The following ILDR1 variants were observed in gnomAD, a reference collection of about 807,000 sequenced individuals.
The protein encoded by ILDR1 is immunoglobulin like domain containing receptor 1, also known as immunoglobulin-like domain-containing receptor 1.
A neutral mutation model predicts 62.4 loss-of-function variants in ILDR1; 56 were observed. That is an observed-to-expected ratio of 0.90 (90% CI 0.72 to 1.12). The LOEUF is 1.12. Ranked by LOEUF, ILDR1 falls within the 50% of genes most tolerant of loss-of-function variation. The pLI is 0.00. For synonymous variants in ILDR1, 284 were observed against 277.8 expected, an observed-to-expected ratio of 1.02 and a Z score of -0.22; for missense variants, 736 against 710.6, an observed-to-expected ratio of 1.04 and a Z score of -0.41.
In ILDR1 at chr3:121,988,041, T is replaced by A; in HGVS notation, c.*326A>T. ...GATCCTTCTGCCTCAGCCTCTTGAG[T>A]AGCTGGGACTACAAGTGCATGCCAC... is the stretch of plus-strand genomic sequence containing the variant. On this transcript the variant is annotated 3_prime_UTR_variant, in exon 8 of 8. Transcript: ENST00000344209. 2.6e-6 allele frequency: 1 copy of A among 384,134 alleles called. No homozygotes were observed. Among genetic ancestry groups the A allele is most frequent in the Non-Finnish European group, 5.0e-6 (1 of 199,554 alleles). 23.8% of individuals were successfully genotyped at this position (384,134 alleles called of 1,614,324 possible). A position where few individuals can be genotyped will look rare whatever the true frequency, so the allele number is the denominator to read the frequency against.
chr3:121,997,960 G>A (rs1211977675), intron 5 of ILDR1, among the ~76,000 whole-genome samples: 3 of 152,174 alleles, frequency 2.0e-5, no homozygotes, highest in Non-Finnish European at 2.9e-5. Context: ...GAAAGTGGGA[G>A]CAGGTTGGGG....
the ILDR1 span, among the ~76,000 whole-genome samples, chr3:122,052,129 C>A: frequency 3.9e-5 from 6 of 152,130 alleles, no homozygotes; most frequent in Non-Finnish European, 4.4e-5. Flanking sequence ...GACACATGTT[C>A]TATTTTTCTC....
chr3:121,993,261 G>A lies in ILDR1; in HGVS notation c.1488C>T (p.Arg496=). ...GCCAGTGTGGGGAGTGCGAGCCGCGGCGGTGGGCCCGCCAGCTCTGGGGCT... is the reference window on the plus strand; with the variant it reads ...GCCAGTGTGGGGAGTGCGAGCCGCGACGGTGGGCCCGCCAGCTCTGGGGCT... ...ERQPQSWRAH[R]RGSHSPHWPE... The change falls in exon 7 of 8, where the codon CGC becomes CGT. Residue 496 remains arginine, a synonymous_variant. Coordinates refer to ENST00000344209, the MANE Select transcript of ILDR1 (RefSeq NM_001199799.2). 6.2e-7 allele frequency: 1 copy of A among 1,613,634 alleles called. No individual in the cohort carries two copies. Among genetic ancestry groups the A allele is most frequent in the East Asian group, 2.2e-5 (1 of 44,872 alleles).
chr3:121,994,128 G>A (rs2071402060), intron 6 of ILDR1, 54 bp downstream of exon 6: 2 of 1,531,104 alleles, frequency 1.3e-6, no homozygotes, highest in Non-Finnish European at 8.8e-7. Flanking sequence ...TGTAGCCCAT[G>A]TTCCCGCCCT....
At chr3:122,018,323 T>A (rs974520416) in intron 1 of ILDR1, among the ~76,000 whole-genome samples, 2 of 137,206 alleles carry the variant, frequency 1.5e-5, no homozygotes, top group Non-Finnish European at 3.0e-5. Flanking sequence ...TTCTCACTCA[T>A]AAGTGGGAGT....
At chr3:122,039,683 A>G in the ILDR1 span, among the ~76,000 whole-genome samples, 1 of 152,092 alleles carries the variant, frequency 6.6e-6, no homozygotes, top group Admixed American at 6.5e-5. Flanking sequence ...AATATGGGTT[A>G]GAAACTAGAA....
At chr3:122,057,584 G>A in the ILDR1 span, among the ~76,000 whole-genome samples, 257 of 152,012 alleles carry the variant, frequency 1.7e-3, 5 homozygotes, top group East Asian at 0.034. Context: ...CCCATCTGTA[G>A]GCAGAAAAAT....
At chr3:122,001,480 T>C (rs781074712) in intron 4 of ILDR1, 26 bp from the exon 5 acceptor site, 2 of 1,613,202 alleles carry the variant, frequency 1.2e-6, no homozygotes, top group East Asian at 4.5e-5. Flanking sequence ...CAAGCAGGGG[T>C]TGAACTAAAT....
intron 1 of ILDR1, among the ~76,000 whole-genome samples, chr3:122,016,243 C>A (rs996934272): frequency 2.6e-5 from 4 of 152,266 alleles, no homozygotes; most frequent in Admixed American, 1.3e-4. Flanking sequence ...GGTCTTCTGA[C>A]TGAGCAAAAT....
At chr3:122,058,474 C>A in the ILDR1 span, among the ~76,000 whole-genome samples, 1 of 152,160 alleles carries the variant, frequency 6.6e-6, no homozygotes, top group Non-Finnish European at 1.5e-5. Flanking sequence ...TGACTCAGAG[C>A]TACTGGGGCT....
chr3:122,045,610 G>T, the ILDR1 span, among the ~76,000 whole-genome samples: 1 of 150,432 alleles, frequency 6.6e-6, no homozygotes, highest in Non-Finnish European at 1.5e-5. Context: ...TCCTGTATTG[G>T]GTGCATATAT....
the ILDR1 span, among the ~76,000 whole-genome samples, chr3:122,045,094 T>C: frequency 1.3e-5 from 2 of 152,128 alleles, no homozygotes; most frequent in Admixed American, 1.3e-4. Flanking sequence ...TTTAAATGCA[T>C]CCCAGAGATT....
the ILDR1 span, among the ~76,000 whole-genome samples, chr3:122,050,307 G>GT: frequency 6.6e-6 from 1 of 152,090 alleles, no homozygotes; most frequent in South Asian, 2.1e-4. Flanking sequence ...TTTGAAATTT[G>GT]TTTTTTGTGT....
chr3:121,988,363 G>T lies in ILDR1; in HGVS notation c.*4C>A, dbSNP rs2071283531. 6.2e-7 allele frequency: 1 copy of T among 1,612,826 alleles called. No homozygotes were observed. The highest frequency in any genetic ancestry group is 8.5e-7 in the Non-Finnish European group (1 of 1,178,886). On this transcript the variant is annotated 3_prime_UTR_variant, in exon 8 of 8. Coordinates refer to ENST00000344209, the MANE Select transcript of ILDR1 (RefSeq NM_001199799.2). ...AGCCACAGAAGTTGTGCTGTGCTTG[G>T]TGACTAAATGACCACACTCCTTCCA...
At chr3:122,048,755 G>A in the ILDR1 span, among the ~76,000 whole-genome samples, 2 of 152,004 alleles carry the variant, frequency 1.3e-5, no homozygotes, top group African/African-American at 4.8e-5. Flanking sequence ...TAATTTCTGT[G>A]GCATCAATTG....
At chr3:122,017,957 G>A (rs1158868824) in intron 1 of ILDR1, among the ~76,000 whole-genome samples, 1 of 152,206 alleles carries the variant, frequency 6.6e-6, no homozygotes, top group Non-Finnish European at 1.5e-5. Flanking sequence ...GTGTAAATTA[G>A]TTCAACCATT....
chr3:122,031,817 GT>G, the ILDR1 span, among the ~76,000 whole-genome samples: 1 of 152,170 alleles, frequency 6.6e-6, no homozygotes, highest in Non-Finnish European at 1.5e-5. Context: ...GTCTATAGTA[GT>G]TTTTTATAGC....
At chr3:122,026,542 T>C (rs1012348806), upstream of ILDR1, among the ~76,000 whole-genome samples, 10 of 152,132 alleles carry the variant, frequency 6.6e-5, no homozygotes, top group Admixed American at 5.2e-4. Flanking sequence ...CTCAGACACA[T>C]TGCGCTAGAG....
rs2071589346 is a variant in ILDR1, at chr3:122,005,303, C to T, written c.320G>A (p.Gly107Glu). 1.2e-6 allele frequency: 2 copies of T among 1,613,800 alleles called. No homozygotes were observed. The change falls in exon 3 of 8, where the codon GGG becomes GAG. Residue 107 changes from glycine (G) to glutamate (E), a missense_variant. Physicochemically the swap from Gly to Glu is moderately conservative, Grantham distance 98 (BLOSUM62 -2). Coordinates refer to ENST00000344209, the MANE Select transcript of ILDR1 (RefSeq NM_001199799.2). ...TACCCCCAGCACGGGCTCATTCTGC[C>T]CCCGCCGCTGGGCCACTATGCGAAC... ...REVRIVAQRR[G>E]QNEPVLGVDY...
Sources: allele counts gnomAD v4.1 joint callset (sites outside exome capture counted in the v4.1 genomes callset), GRCh38; gene constraint gnomAD v4.1.1; transcripts MANE v1.5; gene names NCBI Gene and HGNC (gene_info 2026-07-23, HGNC 2026-07-21).